The following FSTL4 variants were observed in gnomAD, a reference collection of about 807,000 sequenced individuals.
FSTL4 encodes the protein follistatin-related protein 4.
A neutral mutation model predicts 78.2 loss-of-function variants in FSTL4; 28 were observed. The ratio of observed to expected loss-of-function variants is 0.36; its 90% CI spans 0.27 to 0.49. The LOEUF is 0.49. Among genes scored for constraint, FSTL4 ranks in the 20% least tolerant of loss-of-function variants. The pLI is 0.98. For synonymous variants in FSTL4, 422 were observed against 440.5 expected (o/e 0.96, Z 0.53); for missense variants, 922 against 1,084.9 (o/e 0.85, Z 2.11).
At chr5:133,596,916 T>C (rs972060532) in intron 2 of FSTL4, among the ~76,000 whole-genome samples, 6 of 152,362 alleles carry the variant, frequency 3.9e-5, no homozygotes, top group African/African-American at 1.4e-4. Context: ...GTTTCTCTTG[T>C]TCCAGACCTT....
At chr5:133,784,179 T>C in the FSTL4 span, among the ~76,000 whole-genome samples, 1 of 152,160 alleles carries the variant, frequency 6.6e-6, no homozygotes, top group East Asian at 1.9e-4. Context: ...ATGATAGTAG[T>C]AAAGATCTAT....
chr5:133,810,147 G>A, the FSTL4 span, among the ~76,000 whole-genome samples: 69 of 152,218 alleles, frequency 4.5e-4, no homozygotes, highest in Non-Finnish European at 8.7e-4. Context: ...GACCTCCTCT[G>A]CATAAAACCT....
intron 3 of FSTL4, among the ~76,000 whole-genome samples, chr5:133,514,085 A>T (rs1758798128): frequency 1.3e-5 from 2 of 151,890 alleles, no homozygotes; most frequent in Admixed American, 1.3e-4. Context: ...AGGCTGAGGC[A>T]GGAGAATGGC....
intron 3 of FSTL4, among the ~76,000 whole-genome samples, chr5:133,489,049 T>C (rs1047691863): frequency 7.0e-6 from 1 of 142,306 alleles, no homozygotes; most frequent in Non-Finnish European, 1.6e-5. Context: ...TCAATGCTAT[T>C]AGATGGTTGA....
rs144195258 is a variant in FSTL4, at chr5:133,602,000, C to A, written c.126+1858G>T. On this transcript the variant is annotated intron_variant, in intron 2 of 15. Coordinates refer to ENST00000265342, the MANE Select transcript of FSTL4 (RefSeq NM_015082.2). ...GTACCTGGAAGTGTTCTGTTCTCTGCAGCTAAACCTTTAACCTAGGCCATC... is the reference window on the plus strand; with the variant it reads ...GTACCTGGAAGTGTTCTGTTCTCTGAAGCTAAACCTTTAACCTAGGCCATC... Among the ~76,000 whole-genome samples the A allele has an allele frequency of 5.8e-3, 876 of 152,168 alleles. 5 individuals carry two copies. Among genetic ancestry groups the A allele is most frequent in the Non-Finnish European group, 8.5e-3 (576 of 68,026 alleles).
intron 4 of FSTL4, among the ~76,000 whole-genome samples, chr5:133,372,454 T>A (rs1303222982): frequency 6.6e-6 from 1 of 152,108 alleles, no homozygotes; most frequent in African/African-American, 2.4e-5. Context: ...GACTGGGTCA[T>A]GGCCCAAGGC....
intron 14 of FSTL4, among the ~76,000 whole-genome samples, chr5:133,206,492 G>A (rs755634670): frequency 1.3e-5 from 2 of 152,198 alleles, no homozygotes; most frequent in Middle Eastern, 3.4e-3. Context: ...CTCCTGAGTC[G>A]CTGGGATTAC....
At position 133,217,101 on chromosome 5, in the gene FSTL4, A is replaced by G. The variant is rs535527364; in HGVS notation, c.1608+128T>C. The G allele has an allele frequency of 8.8e-5, 61 of 690,636 alleles. No individual in the cohort carries two copies. In the African/African-American group the frequency reaches 9.2e-4, roughly 10 times the overall value. 42.8% of individuals were successfully genotyped at this position (690,636 alleles called of 1,614,324 possible). A position where few individuals can be genotyped will look rare whatever the true frequency, so the allele number is the denominator to read the frequency against. ...ATCAATACTTCACGAATAATTACAC[A>G]TGAATCTTTTCTCCCTTCAGTCTGA... On this transcript the variant is annotated intron_variant, in intron 13 of 15. Transcript: ENST00000265342.
At chr5:133,590,370 T>A (rs1760598402) in intron 2 of FSTL4, among the ~76,000 whole-genome samples, 1 of 152,168 alleles carries the variant, frequency 6.6e-6, no homozygotes, top group Non-Finnish European at 1.5e-5. Flanking sequence ...TAAGACTTTG[T>A]ATCTAGCTGG....
At chr5:133,711,658 C>T in the FSTL4 span, among the ~76,000 whole-genome samples, 1 of 152,224 alleles carries the variant, frequency 6.6e-6, no homozygotes, top group African/African-American at 2.4e-5. Context: ...GAAGAAACAA[C>T]CGTCCTTGAG....
At chr5:133,584,923 A>G (rs1420902564) in intron 2 of FSTL4, among the ~76,000 whole-genome samples, 3 of 43,180 alleles carry the variant, frequency 6.9e-5, no homozygotes, top group Non-Finnish European at 1.4e-4. Context: ...TCAGACTAAC[A>G]GCGGATCTCT....
chr5:133,474,362 G>A (rs1266074938), intron 3 of FSTL4, among the ~76,000 whole-genome samples: 1 of 152,166 alleles, frequency 6.6e-6, no homozygotes, highest in Non-Finnish European at 1.5e-5. Context: ...TGCCCAGCTA[G>A]AGAGCACAGC....
the FSTL4 span, among the ~76,000 whole-genome samples, chr5:133,647,091 C>T: frequency 3.9e-5 from 6 of 152,230 alleles, no homozygotes; most frequent in East Asian, 7.7e-4. Context: ...GCATGAAGAG[C>T]GGCCCAATGT....
At chr5:133,559,784 G>C (rs753135593) in intron 3 of FSTL4, among the ~76,000 whole-genome samples, 1 of 152,222 alleles carries the variant, frequency 6.6e-6, no homozygotes, top group Non-Finnish European at 1.5e-5. Flanking sequence ...CCTTCTAGCA[G>C]AGGGACCCAC....
At chr5:133,272,367 C>T (rs1166039041) in intron 6 of FSTL4, among the ~76,000 whole-genome samples, 1 of 152,170 alleles carries the variant, frequency 6.6e-6, no homozygotes, top group African/African-American at 2.4e-5. Flanking sequence ...GTTTGCCCAG[C>T]GTGGTGGTAA....
chr5:133,465,643 T>C (rs986172050), intron 3 of FSTL4, among the ~76,000 whole-genome samples: 8 of 152,050 alleles, frequency 5.3e-5, no homozygotes, highest in African/African-American at 1.7e-4. Flanking sequence ...AGGAGCACAG[T>C]GGGGTTGGGC....
At chr5:133,816,124 CAAAGACTAGGGGGCCAT>C in the FSTL4 span, among the ~76,000 whole-genome samples, 3 of 152,096 alleles carry the variant, frequency 2.0e-5, no homozygotes, top group Non-Finnish European at 4.4e-5. Context: ...GTGAAGTAGC[CAAAGACTAGGGGGCCAT>C]ACTGAGCACC....
At chr5:133,303,799 G>T (rs1264175561) in intron 6 of FSTL4, among the ~76,000 whole-genome samples, 1 of 152,204 alleles carries the variant, frequency 6.6e-6, no homozygotes, top group East Asian at 1.9e-4. Context: ...CTCAGGCAAG[G>T]TTTACCTTTC....
At chr5:133,223,726 C>T (rs1008356659) in intron 11 of FSTL4, among the ~76,000 whole-genome samples, 1 of 152,196 alleles carries the variant, frequency 6.6e-6, no homozygotes, top group Non-Finnish European at 1.5e-5. Flanking sequence ...AACATCTATA[C>T]ATTTAAAAAT....
Sources: allele counts gnomAD v4.1 joint callset (sites outside exome capture counted in the v4.1 genomes callset), GRCh38; gene constraint gnomAD v4.1.1; transcripts MANE v1.5; gene names NCBI Gene and HGNC (gene_info 2026-07-23, HGNC 2026-07-21).